Variants in TENM2 observed in about 807,000 individuals in gnomAD.
The protein encoded by TENM2 is teneurin-2.
A neutral mutation model predicts 245.2 loss-of-function variants in TENM2; 52 were observed. The ratio of observed to expected loss-of-function variants is 0.21; its 90% CI spans 0.17 to 0.27. The LOEUF is 0.27. TENM2 is among the 10% of genes least tolerant of loss of function. TENM2 has a pLI of 1.00. For synonymous variants in TENM2, 1,363 were observed against 1,438.9 expected (o/e 0.95, Z 1.19); for missense variants, 3,046 against 3,666.8 (o/e 0.83, Z 4.37).
chr5:168,135,590 G>A (rs978683084), intron 12 of TENM2, among the ~76,000 whole-genome samples: 2 of 152,026 alleles, frequency 1.3e-5, no homozygotes, highest in African/African-American at 4.8e-5. Context: ...CCATTAATGG[G>A]TAATAAAGAA....
In TENM2 at chr5:167,557,627, T is replaced by C. The variant is rs114825705; in HGVS notation, c.502+182154T>C. On this transcript the variant is annotated intron_variant, in intron 2 of 28. Coordinates refer to ENST00000518659, the Ensembl canonical transcript of TENM2. ...TTATAATATGAGCCCGATCCTAGCCTGAGACTGTACGTGGCTTATTTCACT... is the reference window on the plus strand; with the variant it reads ...TTATAATATGAGCCCGATCCTAGCCCGAGACTGTACGTGGCTTATTTCACT... Among the ~76,000 whole-genome samples the C allele has an allele frequency of 2.6e-3, 393 of 152,308 alleles. 3 individuals are homozygous for C. The highest frequency in any genetic ancestry group is 8.9e-3 in the African/African-American group (371 of 41,574).
intron 2 of TENM2, among the ~76,000 whole-genome samples, chr5:167,512,815 A>G (rs1770060710): frequency 6.6e-6 from 1 of 152,124 alleles, no homozygotes; most frequent in Admixed American, 6.6e-5. Flanking sequence ...TTTATGAAGT[A>G]GTTTTCTTGT....
chr5:167,329,648 T>G (rs1276941472), intron 1 of TENM2, among the ~76,000 whole-genome samples: 1 of 144,808 alleles, frequency 6.9e-6, no homozygotes, highest in Non-Finnish European at 1.5e-5. Flanking sequence ...GGAGCTTGAG[T>G]GGGTAGACAT....
intron 6 of TENM2, among the ~76,000 whole-genome samples, chr5:168,047,845 G>A (rs994663056): frequency 2.0e-5 from 3 of 152,112 alleles, no homozygotes; most frequent in African/African-American, 7.2e-5. Context: ...AGCATCCCAG[G>A]GCCTGTGCAG....
intron 4 of TENM2, among the ~76,000 whole-genome samples, chr5:167,988,225 A>G (rs1325221599): frequency 6.6e-6 from 1 of 152,228 alleles, no homozygotes; most frequent in African/African-American, 2.4e-5. Flanking sequence ...AAATGTTCAC[A>G]GCACTATTCT....
At chr5:168,017,633 C>T (rs975139535) in intron 5 of TENM2, among the ~76,000 whole-genome samples, 1 of 152,194 alleles carries the variant, frequency 6.6e-6, no homozygotes, top group Admixed American at 6.5e-5. Context: ...ACAAGGAAAG[C>T]AGGCTGCCCC....
chr5:167,077,117 T>G, the TENM2 span, among the ~76,000 whole-genome samples: 1 of 152,202 alleles, frequency 6.6e-6, no homozygotes, highest in African/African-American at 2.4e-5. Context: ...TGAGCCACTG[T>G]GCCTGGCCTG....
chr5:167,760,093 T>C (rs1762565417), intron 2 of TENM2, among the ~76,000 whole-genome samples: 1 of 152,194 alleles, frequency 6.6e-6, no homozygotes, highest in South Asian at 2.1e-4. Context: ...GCTAAATTTC[T>C]GAACTGACTT....
intron 2 of TENM2, among the ~76,000 whole-genome samples, chr5:167,716,258 CCAAGG>C (rs1410098854): frequency 9.9e-5 from 15 of 152,150 alleles, no homozygotes; most frequent in Non-Finnish European, 2.1e-4. Context: ...TTGAAGGATC[CCAAGG>C]TATCTCTTTA....
chr5:167,838,401 A>C (rs567377366), intron 2 of TENM2, among the ~76,000 whole-genome samples: 98 of 152,338 alleles, frequency 6.4e-4, no homozygotes, highest in African/African-American at 2.1e-3. Context: ...AATGCGTTCA[A>C]AGTGGCCATG....
chr5:167,961,940 C>T (rs1400020696), intron 4 of TENM2, among the ~76,000 whole-genome samples: 1 of 152,220 alleles, frequency 6.6e-6, no homozygotes, highest in Non-Finnish European at 1.5e-5. Flanking sequence ...GGCAATGAGT[C>T]TTCCCTTAGT....
In TENM2 at chr5:167,507,148, T is replaced by C. The variant is rs1056484682; in HGVS notation, c.502+131675T>C. Among the ~76,000 whole-genome samples the C allele has an allele frequency of 3.9e-5, 6 of 152,350 alleles. No homozygotes were observed. The East Asian group carries it at 9.6e-4, about 24-fold the overall frequency. ...AAACCAATTGTAATCTTGTTAAACA[T>C]GCCTTGATTTCAGATAAATAGAATC... On this transcript the variant is annotated intron_variant, in intron 2 of 28. Transcript: ENST00000518659.
the TENM2 span, among the ~76,000 whole-genome samples, chr5:166,993,904 G>T: frequency 6.6e-5 from 10 of 152,158 alleles, no homozygotes; most frequent in African/African-American, 1.4e-4. Flanking sequence ...ATTATTTTTT[G>T]TGTGTGAGAG....
At chr5:167,794,698 T>C (rs1765204345) in intron 2 of TENM2, among the ~76,000 whole-genome samples, 1 of 152,136 alleles carries the variant, frequency 6.6e-6, no homozygotes, top group Non-Finnish European at 1.5e-5. Flanking sequence ...TTAGAAACAC[T>C]GTGGAAAAGA....
chr5:167,933,701 C>T (rs1319562049), intron 3 of TENM2, among the ~76,000 whole-genome samples: 1 of 151,732 alleles, frequency 6.6e-6, no homozygotes. Flanking sequence ...GACCCAGGAC[C>T]AACTAGAGTG....
the TENM2 span, among the ~76,000 whole-genome samples, chr5:167,114,436 A>C: frequency 1.3e-5 from 2 of 152,204 alleles, no homozygotes; most frequent in Admixed American, 1.3e-4. Flanking sequence ...AGCTAAATTT[A>C]CTGAAGTTTC....
chr5:167,751,279 G>A (rs1157690444), intron 2 of TENM2, among the ~76,000 whole-genome samples: 1 of 152,218 alleles, frequency 6.6e-6, no homozygotes, highest in Admixed American at 6.5e-5. Context: ...TAAGAAGGGA[G>A]TGTAATGACC....
At chr5:167,650,328 G>A (rs1754368555) in intron 2 of TENM2, among the ~76,000 whole-genome samples, 1 of 152,172 alleles carries the variant, frequency 6.6e-6, no homozygotes, top group South Asian at 2.1e-4. Flanking sequence ...TTGATGGGGT[G>A]TCGGTTCTTA....
At chr5:168,129,313 G>C (rs574356288) in intron 12 of TENM2, 2 of 152,216 alleles carry the variant, frequency 1.3e-5, no homozygotes, top group Non-Finnish European at 2.9e-5. Flanking sequence ...GTTTGGTACA[G>C]GTTTCACATC....
Sources: allele counts gnomAD v4.1 joint callset (sites outside exome capture counted in the v4.1 genomes callset), GRCh38; gene constraint gnomAD v4.1.1; transcripts MANE v1.5; gene names NCBI Gene and HGNC (gene_info 2026-07-23, HGNC 2026-07-21).